Variants in NCALD observed in about 807,000 individuals in gnomAD.
NCALD encodes the protein neurocalcin delta, also known as neurocalcin-delta.
Under a neutral mutation model 18.6 loss-of-function variants are expected in NCALD, and 10 were observed. The observed-to-expected ratio is 0.54, with a 90% confidence interval of 0.33 to 0.91. The LOEUF (loss-of-function observed/expected upper bound fraction) is 0.91. NCALD is among the 40% of genes least tolerant of loss of function. The pLI, the probability that NCALD is intolerant of heterozygous loss-of-function variation, is 0.03. For missense variants in NCALD, 184 were observed against 247.6 expected (o/e 0.74, Z 1.72); for synonymous variants, 88 against 87.4 (o/e 1.01, Z -0.04).
At chr8:101,974,938 T>C (rs772979753) in intron 2 of NCALD, among the ~76,000 whole-genome samples, 3 of 152,180 alleles carry the variant, frequency 2.0e-5, no homozygotes, top group Non-Finnish European at 4.4e-5. Flanking sequence ...ATACTACATA[T>C]ACTGAATCAA....
upstream of NCALD, among the ~76,000 whole-genome samples, chr8:101,792,133 C>A (rs555259289): frequency 3.3e-5 from 5 of 152,148 alleles, no homozygotes; most frequent in South Asian, 1.0e-3. Flanking sequence ...ACCCTAAGGA[C>A]CTTTATATGC....
At chr8:101,709,502 G>A (rs1815687890) in intron 2 of NCALD, among the ~76,000 whole-genome samples, 1 of 152,142 alleles carries the variant, frequency 6.6e-6, no homozygotes, top group Admixed American at 6.5e-5. Flanking sequence ...CCTTTCAAGG[G>A]TCTTAGTTAC....
At chr8:101,740,985 T>C (rs1285612058) in intron 1 of NCALD, among the ~76,000 whole-genome samples, 5 of 152,252 alleles carry the variant, frequency 3.3e-5, no homozygotes, top group Non-Finnish European at 5.9e-5. Flanking sequence ...CAAACAACTC[T>C]GTAGAATCAG....
At chr8:101,888,680 G>A (rs957150167) in intron 3 of NCALD, among the ~76,000 whole-genome samples, 2 of 151,952 alleles carry the variant, frequency 1.3e-5, no homozygotes, top group East Asian at 3.9e-4. Context: ...GTGTCTCAAA[G>A]TGCTGAGATA....
chr8:101,995,099 G>A (rs1821188911), intron 2 of NCALD, among the ~76,000 whole-genome samples: 1 of 152,026 alleles, frequency 6.6e-6, no homozygotes, highest in Admixed American at 6.6e-5. Flanking sequence ...TCTCTATTAT[G>A]GTACACATCA....
At chr8:101,880,723 T>C (rs1816460142) in intron 4 of NCALD, among the ~76,000 whole-genome samples, 1 of 152,154 alleles carries the variant, frequency 6.6e-6, no homozygotes, top group Admixed American at 6.5e-5. Context: ...CTAAGAAAAT[T>C]TGAGAATGTT....
chr8:101,856,704 C>T (rs1815334638), intron 4 of NCALD, among the ~76,000 whole-genome samples: 1 of 152,054 alleles, frequency 6.6e-6, no homozygotes, highest in Admixed American at 6.6e-5. Context: ...TAAAGCAGCC[C>T]CTGGAAACCA....
At chr8:102,085,279 CA>C (rs1824699192) in intron 1 of NCALD, among the ~76,000 whole-genome samples, 1 of 152,272 alleles carries the variant, frequency 6.6e-6, no homozygotes, top group South Asian at 2.1e-4. Context: ...AATTGTGAAA[CA>C]ACAAAAAATG....
At chr8:101,897,268 A>G (rs931197749) in intron 3 of NCALD, among the ~76,000 whole-genome samples, 1 of 149,740 alleles carries the variant, frequency 6.7e-6, no homozygotes, top group African/African-American at 2.5e-5. Context: ...TCGCAAGAAC[A>G]AAAAACCAAA....
At chr8:102,042,076 C>A (rs1171997809) in intron 1 of NCALD, among the ~76,000 whole-genome samples, 1 of 151,928 alleles carries the variant, frequency 6.6e-6, no homozygotes, top group Non-Finnish European at 1.5e-5. Context: ...TTGGTCTAGG[C>A]CTAACAGTAC....
chr8:101,735,297 C>T (rs568336211), intron 1 of NCALD, among the ~76,000 whole-genome samples: 1 of 152,264 alleles, frequency 6.6e-6, no homozygotes, highest in Non-Finnish European at 1.5e-5. Context: ...GCTAACCTTG[C>T]CAGCTGTATA....
intron 2 of NCALD, among the ~76,000 whole-genome samples, chr8:101,978,441 A>G (rs1820502840): frequency 1.3e-5 from 2 of 152,178 alleles, no homozygotes; most frequent in African/African-American, 2.4e-5. Context: ...CTTCCTATGA[A>G]TTCTGCAAGG....
At chr8:102,114,213 C>T (rs768248058) in intron 1 of NCALD, among the ~76,000 whole-genome samples, 1 of 152,214 alleles carries the variant, frequency 6.6e-6, no homozygotes, top group Non-Finnish European at 1.5e-5. Context: ...CGTTCTCCAC[C>T]ACTGTAGATG....
intron 4 of NCALD, among the ~76,000 whole-genome samples, chr8:101,869,022 C>T (rs949427568): frequency 2.0e-5 from 3 of 152,180 alleles, no homozygotes; most frequent in African/African-American, 7.2e-5. Context: ...GGGAGGTCCT[C>T]CCAAGGGCAG....
intron 1 of NCALD, among the ~76,000 whole-genome samples, chr8:101,787,711 A>T (rs928370770): frequency 3.9e-5 from 6 of 152,170 alleles, no homozygotes; most frequent in African/African-American, 7.2e-5. Flanking sequence ...CTGCATTCAG[A>T]TACTTGGGAA....
At chr8:101,954,069 A>G (rs922501435) in intron 2 of NCALD, among the ~76,000 whole-genome samples, 5 of 152,240 alleles carry the variant, frequency 3.3e-5, no homozygotes, top group Non-Finnish European at 7.3e-5. Context: ...CTTAGCATCC[A>G]GCCGACATGG....
At chr8:101,837,630 C>T (rs927815734) in intron 4 of NCALD, among the ~76,000 whole-genome samples, 1 of 152,206 alleles carries the variant, frequency 6.6e-6, no homozygotes, top group Non-Finnish European at 1.5e-5. Flanking sequence ...TCTCCACATA[C>T]AGGCCACTGA....
At chr8:102,015,884 A>G (rs1206084003) in intron 2 of NCALD, among the ~76,000 whole-genome samples, 1 of 152,140 alleles carries the variant, frequency 6.6e-6, no homozygotes, top group Non-Finnish European at 1.5e-5. Flanking sequence ...ACATGAGATG[A>G]GCCCCAGCTC....
At chr8:101,801,384 G>A (rs186565137) in intron 4 of NCALD, among the ~76,000 whole-genome samples, 152 of 151,642 alleles carry the variant, frequency 1.0e-3, no homozygotes, top group South Asian at 1.5e-3. Context: ...TTTGAAAAAC[G>A]GTGACCTCAA....
Sources: gnomAD v4.1 joint callset for allele counts (sites outside exome capture counted in the v4.1 genomes callset) on GRCh38, gnomAD v4.1.1 for gene constraint, MANE v1.5 for transcripts, NCBI Gene and HGNC (gene_info 2026-07-23, HGNC 2026-07-21) for gene names.